Variants in DTNBP1 observed in about 807,000 individuals in gnomAD.
DTNBP1 encodes the protein dystrobrevin binding protein 1.
A neutral mutation model predicts 42.8 loss-of-function variants in DTNBP1; 35 were observed. The observed-to-expected ratio is 0.82, with a 90% CI of 0.63 to 1.09. The LOEUF is 1.09. DTNBP1 is among the 50% of genes least tolerant of loss of function. The pLI is 0.00. For missense variants in DTNBP1, 457 were observed against 424.2 expected (o/e 1.08, Z -0.68); for synonymous variants, 171 against 162.2 (o/e 1.05, Z -0.41).
intron 7 of DTNBP1, among the ~76,000 whole-genome samples, chr6:15,578,699 ATATT>A (rs764941564): frequency 2.0e-5 from 3 of 152,240 alleles, no homozygotes; most frequent in Non-Finnish European, 2.9e-5. Flanking sequence ...TAACAAGCTA[ATATT>A]TATTTCTTAG....
intron 7 of DTNBP1, among the ~76,000 whole-genome samples, chr6:15,582,424 A>G (rs1775881491): frequency 2.0e-5 from 3 of 152,212 alleles, no homozygotes; most frequent in Admixed American, 1.3e-4. Context: ...TAACTATGAA[A>G]TGCAAAGTAC....
At chr6:15,539,331 G>A (rs1440158367) in intron 7 of DTNBP1, among the ~76,000 whole-genome samples, 2 of 152,214 alleles carry the variant, frequency 1.3e-5, no homozygotes, top group East Asian at 1.9e-4. Context: ...TTTACGTGAA[G>A]ACGGTCTGCC....
intron 4 of DTNBP1, among the ~76,000 whole-genome samples, chr6:15,633,787 T>C (rs1759831233): frequency 6.6e-6 from 1 of 151,936 alleles, no homozygotes; most frequent in Non-Finnish European, 1.5e-5. Flanking sequence ...TCGGCAGCTA[T>C]AAACATTAAA....
At chr6:15,524,502 C>G (rs1421928012) in intron 9 of DTNBP1, 24 bp downstream of exon 9, 2 of 1,609,186 alleles carry the variant, frequency 1.2e-6, no homozygotes, top group Non-Finnish European at 1.7e-6. Context: ...CCTGGTTCAG[C>G]TAATGCAAGT....
intron 8 of DTNBP1, among the ~76,000 whole-genome samples, chr6:15,526,312 G>A (rs189499336): frequency 1.3e-5 from 2 of 151,876 alleles, no homozygotes; most frequent in South Asian, 4.1e-4. Context: ...CAGTCATAAC[G>A]AGGAGTCACC....
In DTNBP1 at chr6:15,537,146, C is replaced by T. The variant is rs139392615; in HGVS notation, c.512-3751G>A. ...CTTAAGACTTTTGGCTTAGGCCGGG[C>T]GCGGTGGCTCACGCCTGTAATCCCA... On this transcript the variant is annotated intron_variant, in intron 7 of 9. Coordinates refer to ENST00000344537, the MANE Select transcript of DTNBP1 (RefSeq NM_032122.5). Among the ~76,000 whole-genome samples, 728 of 152,294 alleles carry T rather than the reference C, an allele frequency of 4.8e-3. 6 individuals are homozygous for T. Among genetic ancestry groups the T allele is most frequent in the African/African-American group, 0.016 (665 of 41,560 alleles).
At chr6:15,646,262 C>G (rs9476881) in intron 3 of DTNBP1, among the ~76,000 whole-genome samples, 1 of 40,000 alleles carries the variant, frequency 2.5e-5, no homozygotes, top group African/African-American at 2.2e-4. Context: ...ACAATAGACA[C>G]ACACACACAC....
At chr6:15,625,309 C>G (rs550275467) in intron 5 of DTNBP1, among the ~76,000 whole-genome samples, 2 of 152,150 alleles carry the variant, frequency 1.3e-5, no homozygotes, top group South Asian at 4.2e-4. Flanking sequence ...AAAAAGAGCT[C>G]AATATCGGTT....
intron 6 of DTNBP1, among the ~76,000 whole-genome samples, chr6:15,607,428 A>C (rs935975087): frequency 2.0e-5 from 3 of 151,986 alleles, no homozygotes; most frequent in African/African-American, 7.3e-5. Flanking sequence ...CAGCCTCCCA[A>C]GTAGCTGGGA....
chr6:15,529,410 T>TA, intron 8 of DTNBP1, among the ~76,000 whole-genome samples: 1 of 152,354 alleles, frequency 6.6e-6, no homozygotes, highest in South Asian at 2.1e-4. Context: ...GAAATCAAAT[T>TA]AGAGGTGAAT....
chr6:15,584,702 T>C (rs1236674973), intron 7 of DTNBP1, among the ~76,000 whole-genome samples: 1 of 142,594 alleles, frequency 7.0e-6, no homozygotes, highest in Non-Finnish European at 1.5e-5. Context: ...ACAACATGTA[T>C]TTCTTTTTTT....
intron 8 of DTNBP1, among the ~76,000 whole-genome samples, chr6:15,529,909 C>G (rs1772695492): frequency 6.6e-6 from 1 of 152,274 alleles, no homozygotes; most frequent in African/African-American, 2.4e-5. Flanking sequence ...CAGGCCCCCT[C>G]TGCTGCTCAG....
At chr6:15,580,789 G>A (rs1301315528) in intron 7 of DTNBP1, among the ~76,000 whole-genome samples, 1 of 152,162 alleles carries the variant, frequency 6.6e-6, no homozygotes, top group Non-Finnish European at 1.5e-5. Flanking sequence ...ATGTTAAAAA[G>A]ATCTGGGCAT....
At chr6:15,542,785 G>A (rs1159771039) in intron 7 of DTNBP1, among the ~76,000 whole-genome samples, 16 of 152,060 alleles carry the variant, frequency 1.1e-4, no homozygotes, top group Non-Finnish European at 2.4e-4. Flanking sequence ...TCCACCTCCT[G>A]GGTTTAAGTG....
intron 7 of DTNBP1, among the ~76,000 whole-genome samples, chr6:15,588,777 A>G (rs545405799): frequency 1.3e-5 from 2 of 152,334 alleles, no homozygotes; most frequent in East Asian, 3.9e-4. Flanking sequence ...CTTGAAATAA[A>G]CATATATGCA....
At chr6:15,604,539 T>TGA (rs1757914576) in intron 6 of DTNBP1, among the ~76,000 whole-genome samples, 1 of 152,214 alleles carries the variant, frequency 6.6e-6, no homozygotes, top group Non-Finnish European at 1.5e-5. Context: ...GCCACACTCC[T>TGA]GCCACACCTC....
chr6:15,615,134 G>T, intron 6 of DTNBP1, 133 bp downstream of exon 6: 1 of 1,420,752 alleles, frequency 7.0e-7, no homozygotes, highest in Non-Finnish European at 9.9e-7. Flanking sequence ...AAAAAGTTTT[G>T]GAAAGCTTAT....
chr6:15,547,658 T>C (rs1398807290), intron 7 of DTNBP1, among the ~76,000 whole-genome samples: 1 of 152,194 alleles, frequency 6.6e-6, no homozygotes, highest in East Asian at 1.9e-4. Context: ...ACCTTATGGG[T>C]GACAATAACG....
At chr6:15,647,381 C>T (rs1760748750) in intron 3 of DTNBP1, among the ~76,000 whole-genome samples, 2 of 151,498 alleles carry the variant, frequency 1.3e-5, no homozygotes, top group Admixed American at 1.3e-4. Flanking sequence ...TTATATCTAC[C>T]AATGGTAGAT....
Sources: gnomAD v4.1 joint callset for allele counts (sites outside exome capture counted in the v4.1 genomes callset) on GRCh38, gnomAD v4.1.1 for gene constraint, MANE v1.5 for transcripts, NCBI Gene and HGNC (gene_info 2026-07-23, HGNC 2026-07-21) for gene names.